Variants in LGR6 observed in about 807,000 individuals in gnomAD.
The protein encoded by LGR6 is leucine-rich repeat-containing G protein-coupled receptor 6.
A neutral mutation model predicts 69.4 loss-of-function variants in LGR6; 45 were observed. The observed-to-expected ratio is 0.65, with a 90% CI of 0.51 to 0.83. LGR6 has a LOEUF of 0.83. LGR6 is among the 40% of genes least tolerant of loss of function. The pLI, the probability that LGR6 is intolerant of heterozygous loss-of-function variation, is 0.00. For missense variants in LGR6, 1,108 were observed against 1,246.7 expected (o/e 0.89, Z 1.68); for synonymous variants, 538 against 555.0 (o/e 0.97, Z 0.43).
intron 10 of LGR6, among the ~76,000 whole-genome samples, chr1:202,303,962 A>G (rs917672779): frequency 6.6e-5 from 10 of 152,156 alleles, no homozygotes; most frequent in Non-Finnish European, 1.5e-4. Flanking sequence ...TGAGGGAAGT[A>G]GTTATTCCCC....
In LGR6 at chr1:202,301,248, C is replaced by G. The variant is rs1195484586; in HGVS notation, c.929+13C>G. 6.2e-7 allele frequency: 1 copy of G among 1,610,608 alleles called. No individual in the cohort carries two copies. Among genetic ancestry groups the G allele is most frequent in the South Asian group, 1.1e-5 (1 of 90,940 alleles). On this transcript the variant is annotated intron_variant, in intron 9 of 17. Coordinates refer to ENST00000367278, the MANE Select transcript of LGR6 (RefSeq NM_001017403.2). ...AACTCCACACACTGTAAGTTGGCTC[C>G]TGAAGGCTGCTGCAGCCTGAACTTC...
chr1:202,197,130 T>G, intron 1 of LGR6: 1 of 528,714 alleles, frequency 1.9e-6, no homozygotes, highest in Middle Eastern at 3.5e-4. Context: ...CAAGTCCTCT[T>G]GCACATTCCT....
chr1:202,204,473 A>C (rs1571805908), intron 1 of LGR6, among the ~76,000 whole-genome samples: 4 of 49,454 alleles, frequency 8.1e-5, no homozygotes, highest in Admixed American at 2.7e-4. Context: ...CCACACACAC[A>C]CCTCCAAACA....
chr1:202,214,206 C>T (rs921670113), intron 1 of LGR6: 2 of 1,538,948 alleles, frequency 1.3e-6, no homozygotes, highest in Non-Finnish European at 1.7e-6. Flanking sequence ...GAACCTCTCC[C>T]GGGCTGGGAG....
At chr1:202,301,289 C>T in intron 9 of LGR6, 54 bp downstream of exon 9, 1 of 1,438,160 alleles carries the variant, frequency 7.0e-7, no homozygotes, top group Non-Finnish European at 9.8e-7. Flanking sequence ...TTCCTCACTC[C>T]TTCTTGCTCT....
intron 4 of LGR6, among the ~76,000 whole-genome samples, chr1:202,245,221 A>G (rs1188531527): frequency 7.3e-6 from 1 of 136,122 alleles, no homozygotes; most frequent in African/African-American, 2.8e-5. Flanking sequence ...CTCCGTGATT[A>G]TATGCTACTG....
intron 4 of LGR6, among the ~76,000 whole-genome samples, chr1:202,248,317 T>C (rs1331895023): frequency 2.0e-5 from 3 of 152,228 alleles, no homozygotes; most frequent in Non-Finnish European, 4.4e-5. Flanking sequence ...GTGGCAGCGC[T>C]GCAGCTAGCT....
At position 202,291,982 on chromosome 1, in the gene LGR6, G is replaced by A. The variant is rs528922847; in HGVS notation, c.717-5526G>A. Reference sequence around the variant, plus strand: ...GGTTGGATTGAGGGAGAAAGGTATAGTTGGACCGGACTTCAAAGGATGACT... The same window carrying A: ...GGTTGGATTGAGGGAGAAAGGTATAATTGGACCGGACTTCAAAGGATGACT... On this transcript the variant is annotated intron_variant, in intron 6 of 17. Coordinates refer to ENST00000367278, the MANE Select transcript of LGR6 (RefSeq NM_001017403.2). 3.9e-5 allele frequency among the ~76,000 whole-genome samples: 6 copies of A among 152,328 alleles called. No homozygotes were observed. The South Asian group carries it at 1.2e-3, about 32-fold the overall frequency.
chr1:202,289,162 A>G lies in LGR6; in HGVS notation c.716+8310A>G, dbSNP rs533357508. Among the ~76,000 whole-genome samples, 12 of 152,368 alleles carry G rather than the reference A, an allele frequency of 7.9e-5. No individual in the cohort carries two copies. In the East Asian group the frequency reaches 2.1e-3, roughly 27 times the overall value. On this transcript the variant is annotated intron_variant, in intron 6 of 17. Coordinates refer to ENST00000367278, the MANE Select transcript of LGR6 (RefSeq NM_001017403.2). ...GGCAGATTACATTTTATGCTCTTCC[A>G]GCTGACAGGATGAGGGCCAAGCAGG...
intron 3 of LGR6, among the ~76,000 whole-genome samples, chr1:202,235,152 G>A (rs1287943892): frequency 6.6e-6 from 1 of 152,162 alleles, no homozygotes; most frequent in Non-Finnish European, 1.5e-5. Flanking sequence ...GTGCCACCTG[G>A]AGTGGCGCCC....
At chr1:202,308,946 C>G in intron 14 of LGR6, 105 bp from the exon 15 acceptor site, 1 of 1,385,538 alleles carries the variant, frequency 7.2e-7, no homozygotes, top group Non-Finnish European at 1.0e-6. Flanking sequence ...CTTTGCTCCT[C>G]TCCTCTTGCT....
At chr1:202,279,789 C>G (rs1665864051) in intron 5 of LGR6, among the ~76,000 whole-genome samples, 1 of 152,216 alleles carries the variant, frequency 6.6e-6, no homozygotes, top group Non-Finnish European at 1.5e-5. Context: ...GGTTTTCTCT[C>G]CGACACCAAT....
At chr1:202,201,708 C>T (rs1658843681) in intron 1 of LGR6, among the ~76,000 whole-genome samples, 1 of 152,214 alleles carries the variant, frequency 6.6e-6, no homozygotes, top group Admixed American at 6.5e-5. Flanking sequence ...GTTACAGTTC[C>T]TGTCTTTCTG....
intron 4 of LGR6, among the ~76,000 whole-genome samples, chr1:202,263,860 ATCT>A (rs1242048907): frequency 3.3e-5 from 5 of 152,294 alleles, no homozygotes; most frequent in South Asian, 2.1e-4. Context: ...ACTGGGGGAG[ATCT>A]TCTGAGAAAT....
intron 4 of LGR6, among the ~76,000 whole-genome samples, chr1:202,257,777 T>C (rs997561500): frequency 2.6e-5 from 4 of 152,132 alleles, no homozygotes; most frequent in African/African-American, 9.7e-5. Flanking sequence ...TTTGTTATTT[T>C]CAAGGTTTGA....
chr1:202,268,313 G>T lies in LGR6; in HGVS notation c.429-7993G>T, dbSNP rs1664830564. On this transcript the variant is annotated intron_variant, in intron 4 of 17. Transcript: ENST00000367278. This position sits in a 1 kb window ranked among gnomAD's most constrained non-coding sequence, Gnocchi z 4.4. ...GAAGGCCCAAGGGCATCTCCTCACTGCTCGGCAGGTGCCAGCCTGCTCCCT... is the reference window on the plus strand; with the variant it reads ...GAAGGCCCAAGGGCATCTCCTCACTTCTCGGCAGGTGCCAGCCTGCTCCCT... 1.3e-5 allele frequency among the ~76,000 whole-genome samples: 2 copies of T among 152,188 alleles called. No homozygotes were observed. Among genetic ancestry groups the T allele is most frequent in the South Asian group, 4.1e-4 (2 of 4,830 alleles).
chr1:202,222,170 C>A lies in LGR6; in HGVS notation c.213-3253C>A, dbSNP rs1012717738. ...GCTCTGCACGCTCCTCTTCCTTCCCCTTCCCCTGGCACCAGCCTTACCCCT... is the reference window on the plus strand; with the variant it reads ...GCTCTGCACGCTCCTCTTCCTTCCCATTCCCCTGGCACCAGCCTTACCCCT... On this transcript the variant is annotated intron_variant, in intron 1 of 17. Transcript: ENST00000367278. Among the ~76,000 whole-genome samples the A allele has an allele frequency of 5.3e-5, 8 of 152,368 alleles. No homozygotes were observed. The South Asian group carries it at 1.0e-3, about 20-fold the overall frequency.
intron 5 of LGR6, among the ~76,000 whole-genome samples, chr1:202,276,994 C>T (rs1256472236): frequency 1.3e-5 from 2 of 152,136 alleles, no homozygotes; most frequent in Non-Finnish European, 2.9e-5. Context: ...AGCAAAGCCC[C>T]ATCACTGTAA....
intron 1 of LGR6, among the ~76,000 whole-genome samples, chr1:202,198,702 T>G (rs1317717987): frequency 7.1e-6 from 1 of 140,094 alleles, no homozygotes; most frequent in African/African-American, 2.8e-5. Flanking sequence ...TTTTTAAGAG[T>G]ACAGTCTGAA....
Sources: allele counts gnomAD v4.1 joint callset (sites outside exome capture counted in the v4.1 genomes callset), GRCh38; gene constraint gnomAD v4.1.1; non-coding constraint Gnocchi (gnomAD v3.1); transcripts MANE v1.5; gene names NCBI Gene and HGNC (gene_info 2026-07-23, HGNC 2026-07-21).